Variants in CCDC70 observed in about 807,000 individuals in gnomAD.
CCDC70 encodes the protein coiled-coil domain containing 70, also known as coiled-coil domain-containing protein 70.
In CCDC70, 4 loss-of-function variants were observed where a neutral mutation model predicts 9.1. The ratio of observed to expected loss-of-function variants is 0.44; its 90% CI spans 0.22 to 1.00. The LOEUF (loss-of-function observed/expected upper bound fraction) is 1.00. Among genes scored for constraint, CCDC70 ranks in the 50% least tolerant of loss-of-function variants. The pLI is 0.25. For missense variants in CCDC70, 308 were observed against 271.3 expected, an observed-to-expected ratio of 1.14 and a Z score of -0.95; for synonymous variants, 119 against 94.0, an observed-to-expected ratio of 1.27 and a Z score of -1.54.
At chr13:51,862,689 A>G (rs1204167890) in intron 1 of CCDC70, among the ~76,000 whole-genome samples, 3 of 152,140 alleles carry the variant, frequency 2.0e-5, no homozygotes, top group Non-Finnish European at 4.4e-5. Flanking sequence ...GAGGTATCTG[A>G]GTGCTGAAGG....
chr13:51,864,184 T>G (rs1207249966), intron 1 of CCDC70, among the ~76,000 whole-genome samples: 2 of 151,056 alleles, frequency 1.3e-5, no homozygotes, highest in African/African-American at 4.9e-5. Context: ...TGAAATATAC[T>G]GTATTGACTG....
intron 1 of CCDC70, among the ~76,000 whole-genome samples, chr13:51,862,931 A>AC (rs1956392434): frequency 6.6e-6 from 1 of 152,260 alleles, no homozygotes; most frequent in African/African-American, 2.4e-5. Context: ...GCTGGGTTAC[A>AC]GAGATGTCAG....
At position 51,865,634 on chromosome 13, in the gene CCDC70, T is replaced by C. The variant is rs370942013; in HGVS notation, c.223T>C (p.Phe75Leu). 1 of 1,613,842 alleles carries C rather than the reference T, an allele frequency of 6.2e-7. No homozygotes were observed. The highest frequency in any genetic ancestry group is 1.3e-5 in the African/African-American group (1 of 74,826). ...IHAFRGQILG[F>L]WEEERPFWEE... Reference sequence around the variant, plus strand: ...TGCTTTCCGGGGCCAGATCCTGGGTTTTTGGGAAGAGGAGAGACCTTTCTG... The same window carrying C: ...TGCTTTCCGGGGCCAGATCCTGGGTCTTTGGGAAGAGGAGAGACCTTTCTG... Residue 75 changes from phenylalanine (F) to leucine (L), a missense_variant, in exon 2 of 2, where the codon TTT becomes CTT. By Grantham distance (22) the Phe-to-Leu change is conservative. Transcript: ENST00000242819.
At chr13:51,863,274 C>G (rs1446958025) in intron 1 of CCDC70, among the ~76,000 whole-genome samples, 1 of 152,138 alleles carries the variant, frequency 6.6e-6, no homozygotes, top group East Asian at 1.9e-4. Flanking sequence ...TGCACAAGGC[C>G]TTCCTAGGGC....
intron 1 of CCDC70, among the ~76,000 whole-genome samples, chr13:51,864,858 C>G (rs116174247): frequency 6.6e-6 from 1 of 152,142 alleles, no homozygotes; most frequent in African/African-American, 2.4e-5. Flanking sequence ...CCAAAATAAA[C>G]TCCTCTCCTA....
chr13:51,864,130 T>G (rs1052916763), intron 1 of CCDC70, among the ~76,000 whole-genome samples: 1 of 151,784 alleles, frequency 6.6e-6, no homozygotes, highest in African/African-American at 2.4e-5. Flanking sequence ...TTTCTTTTCT[T>G]TTTTTCTTTT....
chr13:51,865,509 A>C lies in CCDC70; in HGVS notation c.98A>C (p.Lys33Thr). 1 of 1,614,194 alleles carries C rather than the reference A, an allele frequency of 6.2e-7. No homozygotes were observed. Among genetic ancestry groups the C allele is most frequent in the Non-Finnish European group, 8.5e-7 (1 of 1,180,028 alleles). Residue 33 changes from lysine (K) to threonine (T), a missense_variant, in exon 2 of 2, where the codon AAG becomes ACG. Lys to Thr is a moderately conservative substitution (Grantham distance 78). Transcript: ENST00000242819. ...ATTCGCCAGAAGAAACTAATGCACA[A>C]GCTGCAGGAGGAAAAGGCTTTTCGC... The part of the protein sequence containing the change: ...PSIRQKKLMH[K>T]LQEEKAFREE...
At chr13:51,864,234 A>AT (rs1232605081) in intron 1 of CCDC70, among the ~76,000 whole-genome samples, 1 of 151,940 alleles carries the variant, frequency 6.6e-6, no homozygotes, top group Non-Finnish European at 1.5e-5. Flanking sequence ...ACACATTTTT[A>AT]TAACAACACA....
rs1025670855 is a variant in CCDC70, at chr13:51,865,424, A to G, written c.13A>G (p.Lys5Glu). The change falls in exon 2 of 2, where the codon AAG (lysine) becomes GAG (glutamate). Residue 5 changes from lysine to glutamate, a missense_variant. Transcript: ENST00000242819. MFSF[K>E]VSRWMGLACF... The stretch of plus-strand genomic sequence containing the variant: ...GCTGATAAGGAAGATGTTTTCCTTC[A>G]AGGTGAGCAGATGGATGGGGCTTGC... The G allele has an allele frequency of 1.2e-6, 2 of 1,611,362 alleles. No homozygotes were observed. Among genetic ancestry groups the G allele is most frequent in the Admixed American group, 1.7e-5 (1 of 59,306 alleles).
intron 1 of CCDC70, among the ~76,000 whole-genome samples, chr13:51,863,698 CA>C (rs1306307437): frequency 3.8e-5 from 5 of 132,492 alleles, no homozygotes; most frequent in African/African-American, 1.3e-4. Flanking sequence ...CACACACACA[CA>C]CACACACACA....
Position 51,865,713 on chromosome 13 carries a change from A to G in CCDC70, c.302A>G (p.Lys101Arg). 1 of 1,614,194 alleles carries G rather than the reference A, an allele frequency of 6.2e-7. No individual in the cohort carries two copies. The highest frequency in any genetic ancestry group is 8.5e-7 in the Non-Finnish European group (1 of 1,180,040). Residue 101 changes from lysine (K) to arginine (R), a missense_variant, in exon 2 of 2, where the codon AAG (lysine) becomes AGG (arginine). Physicochemically the swap from Lys to Arg is conservative, Grantham distance 26. Transcript: ENST00000242819. ...KEEKSFWEME[K>R]SFREEEKTFW... ...GAAAAATCCTTCTGGGAAATGGAAA[A>G]GTCTTTCAGGGAGGAAGAGAAAACT...
intron 1 of CCDC70, among the ~76,000 whole-genome samples, chr13:51,863,999 T>C (rs78869217): frequency 0.013 from 2,003 of 152,306 alleles, 48 homozygotes; most frequent in African/African-American, 0.046. Flanking sequence ...TGTTTGTAGT[T>C]ACAGGGATTG....
chr13:51,863,366 A>C (rs1259195622), intron 1 of CCDC70, among the ~76,000 whole-genome samples: 1 of 152,134 alleles, frequency 6.6e-6, no homozygotes, highest in Non-Finnish European at 1.5e-5. Flanking sequence ...TCTAGAAAAC[A>C]CCTGTAGGGC....
Position 51,866,147 on chromosome 13 carries a change from C to A in CCDC70, c.*67C>A. 7.7e-7 allele frequency: 1 copy of A among 1,300,914 alleles called. No homozygotes were observed. Among genetic ancestry groups the A allele is most frequent in the Non-Finnish European group, 1.0e-6 (1 of 954,472 alleles). 80.6% of individuals were successfully genotyped at this position (1,300,914 alleles called of 1,614,324 possible). Reference sequence around the variant, plus strand: ...GGTTGGGATTCAAGTCCAGGGTGAGCCCATGTGCTGGAGAAAATACACACT... The same window carrying A: ...GGTTGGGATTCAAGTCCAGGGTGAGACCATGTGCTGGAGAAAATACACACT... On this transcript the variant is annotated 3_prime_UTR_variant, in exon 2 of 2. Transcript: ENST00000242819.
rs567367847 is a variant in CCDC70, at chr13:51,863,991, T to C, written c.-80-1341T>C. Among the ~76,000 whole-genome samples, 3 of 152,328 alleles carry C rather than the reference T, an allele frequency of 2.0e-5. No homozygotes were observed. In the South Asian group the frequency reaches 6.2e-4, roughly 32 times the overall value. On this transcript the variant is annotated intron_variant, in intron 1 of 1. Transcript: ENST00000242819. ...ACTTTTTCTCATCCCTTGATTCATG[T>C]TTGTAGTTACAGGGATTGCTATGGA...
At chr13:51,862,569 T>C (rs888790132) in intron 1 of CCDC70, among the ~76,000 whole-genome samples, 2 of 152,198 alleles carry the variant, frequency 1.3e-5, no homozygotes, top group African/African-American at 4.8e-5. Flanking sequence ...ACACCTATCC[T>C]GTGGCAGAAC....
chr13:51,863,179 T>C (rs916982750), intron 1 of CCDC70, among the ~76,000 whole-genome samples: 4 of 152,222 alleles, frequency 2.6e-5, no homozygotes, highest in Admixed American at 2.0e-4. Context: ...AAGAGCTGAA[T>C]AGAGCCCGTT....
Position 51,866,154 on chromosome 13 carries a change from G to T in CCDC70, c.*74G>T. 1 of 1,266,600 alleles carries T rather than the reference G, an allele frequency of 7.9e-7. No homozygotes were observed. Among genetic ancestry groups the T allele is most frequent in the Non-Finnish European group, 1.1e-6 (1 of 927,728 alleles). The allele number at this position is 1,266,600 out of a possible 1,614,324, so 78.5% of individuals were successfully genotyped here. On this transcript the variant is annotated 3_prime_UTR_variant, in exon 2 of 2. Coordinates refer to ENST00000242819, the MANE Select transcript of CCDC70 (RefSeq NM_031290.4). ...ATTCAAGTCCAGGGTGAGCCCATGT[G>T]CTGGAGAAAATACACACTCATTGGT...
rs755671318 is a variant in CCDC70, at chr13:51,865,717, T to G, written c.306T>G (p.Ser102=). Residue 102 remains serine, a synonymous_variant, in exon 2 of 2, where the codon TCT becomes TCG. Coordinates refer to ENST00000242819, the MANE Select transcript of CCDC70 (RefSeq NM_031290.4). ...EEKSFWEMEK[S]FREEEKTFWK... ...AATCCTTCTGGGAAATGGAAAAGTC[T>G]TTCAGGGAGGAAGAGAAAACTTTCT... 16 of 1,613,988 alleles carry G rather than the reference T, an allele frequency of 9.9e-6. No individual in the cohort carries two copies. Among genetic ancestry groups the G allele is most frequent in the Non-Finnish European group, 1.4e-5 (16 of 1,180,020 alleles).
Sources: allele counts gnomAD v4.1 joint callset (sites outside exome capture counted in the v4.1 genomes callset), GRCh38; gene constraint gnomAD v4.1.1; transcripts MANE v1.5; gene names NCBI Gene and HGNC (gene_info 2026-07-23, HGNC 2026-07-21).